The following PIEZO2 variants were observed in gnomAD, a reference collection of about 807,000 sequenced individuals.
PIEZO2 encodes the protein piezo-type mechanosensitive ion channel component 2.
Under a neutral mutation model 337.3 loss-of-function variants are expected in PIEZO2, and 172 were observed. That is an observed-to-expected ratio of 0.51 (90% CI 0.45 to 0.58). The LOEUF is 0.58. Among genes scored for constraint, PIEZO2 ranks in the 20% least tolerant of loss-of-function variants. The pLI, the probability that PIEZO2 is intolerant of heterozygous loss-of-function variation, is 0.00. For synonymous variants in PIEZO2, 1,251 were observed against 1,228.5 expected, an observed-to-expected ratio of 1.02 and a Z score of -0.38; for missense variants, 3,028 against 3,391.3, an observed-to-expected ratio of 0.89 and a Z score of 2.66.
intron 1 of PIEZO2, among the ~76,000 whole-genome samples, chr18:11,091,397 A>G (rs1453509831): frequency 6.7e-6 from 1 of 149,544 alleles, no homozygotes. Context: ...AAAAAAAAAA[A>G]AAGAAAAAAA....
chr18:10,672,694 A>G lies in PIEZO2; in HGVS notation c.8341T>C (p.Tyr2781His). 1 of 1,613,828 alleles carries G rather than the reference A, an allele frequency of 6.2e-7. No homozygotes were observed. Among genetic ancestry groups the G allele is most frequent in the Non-Finnish European group, 8.5e-7 (1 of 1,179,902 alleles). The change falls in exon 55 of 56, where the codon TAT becomes CAT. Residue 2781 changes from tyrosine to histidine, a missense_variant. Tyr to His is a moderately conservative substitution (Grantham distance 83). Transcript: ENST00000674853. The surrounding 1 kb of genome is among the most constrained non-coding windows in gnomAD (Gnocchi z 4.7). ...AATTGTTCAATGAGTCCTTACCCAT[A>G]GCCAGCCAGGAACCCCAGACTTGGG... ...SPPSLGFLAG[Y>H]GIMGLYASVV...
At position 11,149,519 on chromosome 18, in the gene PIEZO2, C is replaced by T. The variant is rs1223440750; in HGVS notation, c.-931G>A. Among the ~76,000 whole-genome samples, 2 of 151,994 alleles carry T rather than the reference C, an allele frequency of 1.3e-5. No individual in the cohort carries two copies. Among genetic ancestry groups the T allele is most frequent in the African/African-American group, 2.4e-5 (1 of 41,428 alleles). ...CCGCCTGCCGCCTTGCAGCCTCGCC[C>T]TCGCGGCGCAGCCGGGGCTCCCCGG... On this transcript the variant is annotated 5_prime_UTR_variant, in exon 1 of 56. Transcript: ENST00000674853. This position sits in a 1 kb window ranked among gnomAD's most constrained non-coding sequence, Gnocchi z 8.7.
At chr18:11,013,606 G>A (rs2035980944) in intron 2 of PIEZO2, among the ~76,000 whole-genome samples, 1 of 152,156 alleles carries the variant, frequency 6.6e-6, no homozygotes, top group South Asian at 2.1e-4. Context: ...AAACAATTTG[G>A]GAGGTTGTGG....
chr18:11,068,936 TC>T (rs2038245873), intron 1 of PIEZO2, among the ~76,000 whole-genome samples: 1 of 152,040 alleles, frequency 6.6e-6, no homozygotes, highest in Admixed American at 6.6e-5. Flanking sequence ...ATGAATAAAT[TC>T]CTAGCAATAT....
At chr18:10,926,346 C>T (rs2031739147) in intron 3 of PIEZO2, among the ~76,000 whole-genome samples, 1 of 152,188 alleles carries the variant, frequency 6.6e-6, no homozygotes, top group Admixed American at 6.5e-5. Context: ...TCAGTAAATA[C>T]TACAATCCAG....
rs1187693311 is a variant in PIEZO2, at chr18:10,980,769, T to C, written c.161-1109A>G. Reference sequence around the variant, plus strand: ...GATGCAATTTTATTAGCAAAAAAATTGAAAAGGTTTTGTCAATGTGTCAAT... The same window carrying C: ...GATGCAATTTTATTAGCAAAAAAATCGAAAAGGTTTTGTCAATGTGTCAAT... On this transcript the variant is annotated intron_variant, in intron 2 of 55. Transcript: ENST00000674853. The surrounding 1 kb of genome is among the most constrained non-coding windows in gnomAD (Gnocchi z 4.8). 6.6e-6 allele frequency among the ~76,000 whole-genome samples: 1 copy of C among 152,126 alleles called. No homozygotes were observed. Among genetic ancestry groups the C allele is most frequent in the East Asian group, 1.9e-4 (1 of 5,198 alleles).
At position 10,862,541 on chromosome 18, in the gene PIEZO2, A is replaced by T. The variant is rs1321943650; in HGVS notation, c.493-5330T>A. On this transcript the variant is annotated intron_variant, in intron 5 of 55. Coordinates refer to ENST00000674853, the MANE Select transcript of PIEZO2 (RefSeq NM_001378183.1). The surrounding 1 kb of genome is among the most constrained non-coding windows in gnomAD (Gnocchi z 4.4). ...CACCATGATTTCCACTCAATTTTGG[A>T]CAAAGAAGACACAATAAATCACTTT... Among the ~76,000 whole-genome samples, 2 of 152,182 alleles carry T rather than the reference A, an allele frequency of 1.3e-5. No individual in the cohort carries two copies. The highest frequency in any genetic ancestry group is 1.5e-5 in the Non-Finnish European group (1 of 68,034).
At position 10,708,806 on chromosome 18, in the gene PIEZO2, T is replaced by C. The variant is rs74601695; in HGVS notation, c.5424-367A>G. On this transcript the variant is annotated intron_variant, in intron 39 of 55. Coordinates refer to ENST00000674853, the MANE Select transcript of PIEZO2 (RefSeq NM_001378183.1). Reference sequence around the variant, plus strand: ...TTTAAATGAAAGAAAATATGCTTTATTTGGAGCTTGCAGTCCTGAGTTAAG... The same window carrying C: ...TTTAAATGAAAGAAAATATGCTTTACTTGGAGCTTGCAGTCCTGAGTTAAG... Among the ~76,000 whole-genome samples the C allele has an allele frequency of 5.7e-4, 87 of 152,378 alleles. No homozygotes were observed. The East Asian group carries it at 0.015, about 27-fold the overall frequency.
chr18:10,845,641 A>G (rs2041334878), intron 7 of PIEZO2, among the ~76,000 whole-genome samples: 1 of 152,186 alleles, frequency 6.6e-6, no homozygotes, highest in African/African-American at 2.4e-5. Flanking sequence ...CAGCAGGTAA[A>G]GGAGCCCCAT....
At chr18:10,811,578 G>GA (rs1568086830) in intron 7 of PIEZO2, among the ~76,000 whole-genome samples, 3 of 152,168 alleles carry the variant, frequency 2.0e-5, no homozygotes, top group Admixed American at 1.3e-4. Flanking sequence ...AATTTTCAGA[G>GA]AAAAATCACT....
intron 28 of PIEZO2, 26 bp downstream of exon 28, chr18:10,752,610 T>TA: frequency 6.5e-7 from 1 of 1,534,180 alleles, no homozygotes; most frequent in South Asian, 1.2e-5. Flanking sequence ...AAACCGCAAA[T>TA]GTGTTATGCA....
intron 5 of PIEZO2, among the ~76,000 whole-genome samples, 198 bp downstream of exon 5, chr18:10,871,055 G>A (rs948166275): frequency 3.3e-5 from 5 of 152,042 alleles, no homozygotes; most frequent in African/African-American, 4.8e-5. Context: ...GTCTTCTCAT[G>A]GCTAAGGTGT....
In PIEZO2 at chr18:10,807,113, A is replaced by C; in HGVS notation, c.1079T>G (p.Leu360Arg). The C allele has an allele frequency of 6.5e-7, 1 of 1,533,796 alleles. No homozygotes were observed. The highest frequency in any genetic ancestry group is 8.7e-7 in the Non-Finnish European group (1 of 1,145,164). Residue 360 changes from leucine (L) to arginine (R), a missense_variant and splice_region_variant, in exon 8 of 56, where the codon CTT becomes CGT. By Grantham distance (102) the Leu-to-Arg change is moderately radical (BLOSUM62 -2). Transcript: ENST00000674853. ...TLIRIWLQEP[L>R]VQDEGTKEED... ...TCATGAAAATGTTTTTGTCCTTACAAGGGGCTCTTGCAGCCAGATGCGGAT... is the reference window on the plus strand; with the variant it reads ...TCATGAAAATGTTTTTGTCCTTACACGGGGCTCTTGCAGCCAGATGCGGAT...
rs10564435 is a variant in PIEZO2 at position 10,998,357 on chromosome 18, T to TACAC, written c.161-18701_161-18698dup. ...TTGTTTACACACACACACATACACA[T>TACAC]ACACACACACACACACACACACTCC... On this transcript the variant is annotated intron_variant, in intron 2 of 55. Coordinates refer to ENST00000674853, the MANE Select transcript of PIEZO2 (RefSeq NM_001378183.1). Among the ~76,000 whole-genome samples the TACAC allele has an allele frequency of 3.3e-4, 50 of 149,876 alleles. No individual in the cohort carries two copies. The East Asian group carries it at 6.1e-3, about 18-fold the overall frequency.
chr18:10,960,000 A>T (rs1598747167), intron 3 of PIEZO2, among the ~76,000 whole-genome samples: 1 of 152,178 alleles, frequency 6.6e-6, no homozygotes, highest in African/African-American at 2.4e-5. Flanking sequence ...AATTTATTTT[A>T]TATATAGACG....
At chr18:10,886,395 T>TACACACAC (rs2042598220) in intron 4 of PIEZO2, among the ~76,000 whole-genome samples, 1 of 27,158 alleles carries the variant, frequency 3.7e-5, no homozygotes, top group African/African-American at 2.2e-4. Context: ...TATATATATA[T>TACACACAC]ATATATATAT....
At chr18:10,705,218 C>T in intron 41 of PIEZO2, 118 bp downstream of exon 41, 4 of 1,283,084 alleles carry the variant, frequency 3.1e-6, no homozygotes, top group East Asian at 5.1e-5. Context: ...TGTCTGTTTG[C>T]TCTAAGTGTC....
intron 7 of PIEZO2, among the ~76,000 whole-genome samples, chr18:10,817,028 T>C (rs2040385277): frequency 6.6e-6 from 1 of 152,178 alleles, no homozygotes. Context: ...CCATTAGAAA[T>C]ACAGAAACTT....
At chr18:10,779,248 C>T (rs1024648521) in intron 18 of PIEZO2, among the ~76,000 whole-genome samples, 2 of 152,118 alleles carry the variant, frequency 1.3e-5, no homozygotes, top group African/African-American at 2.4e-5. Context: ...ATAAGAAAAG[C>T]GAACGGGGTA....
Sources: gnomAD v4.1 joint callset for allele counts (sites outside exome capture counted in the v4.1 genomes callset) on GRCh38, gnomAD v4.1.1 for gene constraint, Gnocchi (gnomAD v3.1) non-coding constraint, MANE v1.5 for transcripts, NCBI Gene and HGNC (gene_info 2026-07-23, HGNC 2026-07-21) for gene names.